Variants in SEPTIN10 observed in about 807,000 individuals in gnomAD.
SEPTIN10 encodes the protein septin-10.
SEPTIN10 carries 66 observed loss-of-function variants against 54.8 expected under a neutral mutation model. The ratio of observed to expected loss-of-function variants is 1.21; its 90% CI spans 0.99 to 1.48. The LOEUF is 1.48. SEPTIN10 is among the 40% of genes most tolerant of loss of function. The pLI, the probability that SEPTIN10 is intolerant of heterozygous loss-of-function variation, is 0.00. For missense variants in SEPTIN10, 620 were observed against 545.6 expected (o/e 1.14, Z -1.36); for synonymous variants, 161 against 181.0 (o/e 0.89, Z 0.89).
chr2:109,570,816 C>T (rs921059590), intron 5 of SEPTIN10, among the ~76,000 whole-genome samples: 5 of 152,106 alleles, frequency 3.3e-5, no homozygotes, highest in African/African-American at 1.2e-4. Context: ...GCCACCACAC[C>T]CGGCCTGTAT....
intron 4 of SEPTIN10, among the ~76,000 whole-genome samples, chr2:109,577,229 G>A (rs1003408059): frequency 2.6e-5 from 4 of 152,146 alleles, no homozygotes; most frequent in African/African-American, 9.7e-5. Flanking sequence ...GTATGTGAGC[G>A]ACACAGAAAT....
intron 9 of SEPTIN10, 99 bp downstream of exon 9, chr2:109,552,988 G>T: frequency 1.5e-6 from 2 of 1,324,274 alleles, no homozygotes; most frequent in Non-Finnish European, 2.1e-6. Context: ...AGAACAAGTA[G>T]CCTACAAAAG....
intron 2 of SEPTIN10, among the ~76,000 whole-genome samples, chr2:109,588,580 GC>G (rs1693149824): frequency 6.6e-6 from 1 of 151,800 alleles, no homozygotes. Context: ...TGCAACCTCC[GC>G]CCCCCAGGTT....
intron 1 of SEPTIN10, among the ~76,000 whole-genome samples, chr2:109,602,145 C>T (rs745701106): frequency 7.9e-5 from 12 of 152,128 alleles, no homozygotes; most frequent in South Asian, 2.1e-4. Flanking sequence ...AGCTGATTTC[C>T]GTACTAAGTG....
In SEPTIN10 at chr2:109,551,432, C is replaced by T. The variant is rs78580113; in HGVS notation, c.1161+1655G>A. Among the ~76,000 whole-genome samples, 1,145 of 152,220 alleles carry T rather than the reference C, an allele frequency of 7.5e-3. 32 individuals are homozygous for T. The East Asian group carries it at 0.088, about 12-fold the overall frequency. ...AAAGAAACTAAACAAACATAATACC[C>T]ATGTACAATATGCAATCTGTGATTG... is the stretch of plus-strand genomic sequence containing the variant. On this transcript the variant is annotated intron_variant, in intron 9 of 10. Coordinates refer to ENST00000397712, the MANE Select transcript of SEPTIN10 (RefSeq NM_144710.5).
intron 10 of SEPTIN10, chr2:109,544,702 G>A (rs561047649): frequency 1.2e-6 from 1 of 854,952 alleles, no homozygotes; most frequent in African/African-American, 1.8e-5. Flanking sequence ...TCCAAAGCAT[G>A]TTGAAAAGCA....
In SEPTIN10 at chr2:109,543,364, A is replaced by T. The variant is rs539913683; in HGVS notation, c.*945T>A. ...AGGAAAAAATAGCTTATATATCTGG[A>T]TGTTTTAACTTTTAAAGATATTTTG... On this transcript the variant is annotated 3_prime_UTR_variant, in exon 11 of 11. Transcript: ENST00000397712. 1 of 152,284 alleles carries T rather than the reference A, an allele frequency of 6.6e-6. No individual in the cohort carries two copies. The highest frequency in any genetic ancestry group is 2.1e-4 in the South Asian group (1 of 4,824). The allele number at this position is 152,284 out of a possible 1,614,324, so 9.4% of individuals were successfully genotyped here. A position where few individuals can be genotyped will look rare whatever the true frequency, so the allele number is the denominator to read the frequency against.
chr2:109,593,369 A>T (rs1237975580), intron 1 of SEPTIN10, among the ~76,000 whole-genome samples: 1 of 151,950 alleles, frequency 6.6e-6, no homozygotes, highest in Non-Finnish European at 1.5e-5. Context: ...AAATTTTATG[A>T]AATTAGTAAA....
intron 4 of SEPTIN10, among the ~76,000 whole-genome samples, chr2:109,583,500 G>A (rs539774394): frequency 4.6e-4 from 70 of 152,256 alleles, no homozygotes; most frequent in Non-Finnish European, 7.1e-4. Flanking sequence ...AGATACTGGC[G>A]GGGCTGTAGA....
intron 2 of SEPTIN10, 51 bp downstream of exon 2, chr2:109,593,000 C>T (rs531467186): frequency 8.7e-6 from 11 of 1,269,760 alleles, no homozygotes; most frequent in Non-Finnish European, 1.1e-5. Flanking sequence ...ATTTTAAAAT[C>T]ATAGAAGCAT....
At chr2:109,605,259 C>T (rs1284198859) in intron 1 of SEPTIN10, 1 of 152,068 alleles carries the variant, frequency 6.6e-6, no homozygotes, top group Non-Finnish European at 1.5e-5. Context: ...CACCTGAGGT[C>T]AGGAGTTTGA....
intron 1 of SEPTIN10, among the ~76,000 whole-genome samples, chr2:109,610,025 T>A (rs1698902196): frequency 6.6e-6 from 1 of 151,470 alleles, no homozygotes; most frequent in Non-Finnish European, 1.5e-5. Context: ...GCAGGGACAA[T>A]ATGACACAGA....
At chr2:109,575,205 G>A (rs1193502393) in intron 4 of SEPTIN10, among the ~76,000 whole-genome samples, 1 of 152,108 alleles carries the variant, frequency 6.6e-6, no homozygotes, top group Non-Finnish European at 1.5e-5. Flanking sequence ...TCCCACACTT[G>A]CCAGACTGCT....
chr2:109,601,832 C>A (rs1231888528), intron 1 of SEPTIN10, among the ~76,000 whole-genome samples: 1 of 151,296 alleles, frequency 6.6e-6, no homozygotes, highest in South Asian at 2.1e-4. Context: ...TAATACTCTA[C>A]AAGTTACTTT....
chr2:109,550,781 G>A (rs1323182269), intron 9 of SEPTIN10, among the ~76,000 whole-genome samples: 4 of 152,140 alleles, frequency 2.6e-5, no homozygotes. Context: ...GCTCTCGGCT[G>A]CCCTCTGTGC....
chr2:109,558,429 C>T (rs151146529), intron 8 of SEPTIN10, among the ~76,000 whole-genome samples: 1 of 152,260 alleles, frequency 6.6e-6, no homozygotes, highest in East Asian at 1.9e-4. Flanking sequence ...ACTTCAATGA[C>T]AGTGATTTTG....
chr2:109,586,903 T>A (rs1050317411), intron 2 of SEPTIN10, among the ~76,000 whole-genome samples: 2 of 152,164 alleles, frequency 1.3e-5, no homozygotes, highest in African/African-American at 2.4e-5. Context: ...AGCAATTTAA[T>A]TGCCTGTTAG....
chr2:109,598,918 C>T (rs560142975), intron 1 of SEPTIN10, among the ~76,000 whole-genome samples: 1 of 151,892 alleles, frequency 6.6e-6, no homozygotes, highest in East Asian at 1.9e-4. Flanking sequence ...ATTATCTGGG[C>T]CTATTTTATG....
At chr2:109,553,240 C>G (rs1683472579) in intron 8 of SEPTIN10, 21 bp from the exon 9 acceptor site, 1 of 1,612,130 alleles carries the variant, frequency 6.2e-7, no homozygotes, top group Non-Finnish European at 8.5e-7. Flanking sequence ...ATTTGTGTTA[C>G]TCTCCTGCTA....
Sources: allele counts gnomAD v4.1 joint callset (sites outside exome capture counted in the v4.1 genomes callset), GRCh38; gene constraint gnomAD v4.1.1; transcripts MANE v1.5; gene names NCBI Gene and HGNC (gene_info 2026-07-23, HGNC 2026-07-21).